Variants in UGT1A4 observed in about 807,000 individuals in gnomAD.
The protein encoded by UGT1A4 is UDP glucuronosyltransferase family 1 member A4.
UGT1A4 carries 32 observed loss-of-function variants against 41.1 expected under a neutral mutation model. That is an observed-to-expected ratio of 0.78 (90% CI 0.59 to 1.05). UGT1A4 has a LOEUF of 1.05. UGT1A4 is among the 50% of genes least tolerant of loss of function. The pLI, the probability that UGT1A4 is intolerant of heterozygous loss-of-function variation, is 0.00. For synonymous variants in UGT1A4, 283 were observed against 265.1 expected, an observed-to-expected ratio of 1.07 and a Z score of -0.66; for missense variants, 748 against 677.4, an observed-to-expected ratio of 1.10 and a Z score of -1.16.
At chr2:233,758,953 C>T (rs1697026708) in intron 1 of UGT1A4, among the ~76,000 whole-genome samples, 1 of 152,184 alleles carries the variant, frequency 6.6e-6, no homozygotes. Flanking sequence ...ATCAGAATTT[C>T]CCCAAATGCC....
intron 1 of UGT1A4, chr2:233,729,233 T>C (rs746735102): frequency 5.5e-5 from 88 of 1,614,154 alleles, no homozygotes; most frequent in South Asian, 6.6e-5. Context: ...GTGGTGCCCA[T>C]TGATGGCAGC....
In UGT1A4 at chr2:233,723,213, CTT is replaced by C. The variant is rs201420005; in HGVS notation, c.867+3541_867+3542del. On this transcript the variant is annotated intron_variant, in intron 1 of 4. Coordinates refer to ENST00000373409, the MANE Select transcript of UGT1A4 (RefSeq NM_007120.3). ...ATGTGGTAAAAAAAGTCAAAACTGA[CTT>C]TTTTTTTTTTTTTTGAGTTGGAGTC... Among the ~76,000 whole-genome samples, 40 of 88,776 alleles carry C rather than the reference CTT, an allele frequency of 4.5e-4. 2 individuals are homozygous for C. Among genetic ancestry groups the C allele is most frequent in the East Asian group, 2.4e-3 (8 of 3,302 alleles). 58.2% of individuals were successfully genotyped at this position (88,776 alleles called of 152,430 possible). A position where few individuals can be genotyped will look rare whatever the true frequency, so the allele number is the denominator to read the frequency against.
intron 1 of UGT1A4, among the ~76,000 whole-genome samples, chr2:233,764,385 C>T (rs1299567681): frequency 6.6e-6 from 1 of 152,140 alleles, no homozygotes; most frequent in South Asian, 2.1e-4. Flanking sequence ...AGGAGTTGGC[C>T]GTGATGACAA....
intron 1 of UGT1A4, among the ~76,000 whole-genome samples, chr2:233,759,704 G>A (rs891688930): frequency 3.4e-4 from 52 of 151,494 alleles, no homozygotes; most frequent in African/African-American, 1.2e-3. Flanking sequence ...CTCATGGCGC[G>A]TGCTCGTGTG....
Position 233,734,360 on chromosome 2 carries a change from C to A in UGT1A4, c.867+14673C>A, listed in dbSNP as rs565800937. 2.0e-5 allele frequency among the ~76,000 whole-genome samples: 3 copies of A among 152,192 alleles called. No homozygotes were observed. The East Asian group carries it at 5.8e-4, about 29-fold the overall frequency. On this transcript the variant is annotated intron_variant, in intron 1 of 4. Transcript: ENST00000373409. ...ATGGTAGTTTGTATTTCTGTGGGAT[C>A]GGTGGTGATATTGCCTTTACTATTT...
At position 233,769,501 on chromosome 2, in the gene UGT1A4, A is replaced by G. The variant is rs773053251; in HGVS notation, c.1307+1062A>G. 30 of 1,612,628 alleles carry G rather than the reference A, an allele frequency of 1.9e-5. No homozygotes were observed. In the Admixed American group the frequency reaches 4.8e-4, roughly 26 times the overall value. ...TGTGCGTGTGTTTATGAGAGTGTCCATTGCTTTCTCCCATGGTTACCTCCT... is the reference window on the plus strand; with the variant it reads ...TGTGCGTGTGTTTATGAGAGTGTCCGTTGCTTTCTCCCATGGTTACCTCCT... On this transcript the variant is annotated intron_variant, in intron 4 of 4. Transcript: ENST00000373409. This position sits in a 1 kb window ranked among gnomAD's most constrained non-coding sequence, Gnocchi z 4.4.
In UGT1A4 at chr2:233,769,763, G is replaced by A; in HGVS notation, c.1307+1324G>A. 4 of 1,411,540 alleles carry A rather than the reference G, an allele frequency of 2.8e-6. No homozygotes were observed. The South Asian group carries it at 4.7e-5, about 17-fold the overall frequency. The allele number at this position is 1,411,540 out of a possible 1,614,324, so 87.4% of individuals were successfully genotyped here. A position where few individuals can be genotyped will look rare whatever the true frequency, so the allele number is the denominator to read the frequency against. ...CCAGCCACTCTGGAGGCTAAGGCGG[G>A]AGGATTGCTTGAGCCCAGAAGTTGG... On this transcript the variant is annotated intron_variant, in intron 4 of 4. Transcript: ENST00000373409. The surrounding 1 kb of genome is among the most constrained non-coding windows in gnomAD (Gnocchi z 4.4).
intron 1 of UGT1A4, among the ~76,000 whole-genome samples, chr2:233,759,123 C>G (rs1197152658): frequency 6.6e-6 from 1 of 152,198 alleles, no homozygotes; most frequent in East Asian, 1.9e-4. Flanking sequence ...GAGTTACAGC[C>G]TCTGGTACGC....
chr2:233,765,183 T>A (rs1157736453), intron 1 of UGT1A4, among the ~76,000 whole-genome samples: 1 of 152,162 alleles, frequency 6.6e-6, no homozygotes. Flanking sequence ...CCCTGCCACA[T>A]CACACAATCA....
Position 233,737,047 on chromosome 2 carries a change from C to G in UGT1A4, c.867+17360C>G, listed in dbSNP as rs559935020. On this transcript the variant is annotated intron_variant, in intron 1 of 4. Coordinates refer to ENST00000373409, the MANE Select transcript of UGT1A4 (RefSeq NM_007120.3). ...CCATTCTCAGAGCTCAAATGCCATA[C>G]TAGGAGAACGAGTGCTCTCTTCAGA... Among the ~76,000 whole-genome samples the G allele has an allele frequency of 2.6e-4, 39 of 152,330 alleles. No homozygotes were observed. In the South Asian group the frequency reaches 7.7e-3, roughly 30 times the overall value.
At chr2:233,754,740 A>G (rs1278383852) in intron 1 of UGT1A4, 2 of 687,602 alleles carry the variant, frequency 2.9e-6, no homozygotes, top group Admixed American at 2.3e-5. Flanking sequence ...ACCGTAGGAC[A>G]TGCAGAAGGA....
rs1272833298 is a variant in UGT1A4, at chr2:233,768,361, C to T, written c.1229C>T (p.Ala410Val). ...DNAKRMETKG[A>V]GVTLNVLEMT... is the part of the protein sequence containing the mutation. ...GCAAAGCGCATGGAGACTAAGGGAG[C>T]TGGAGTGACCCTGAATGTTCTGGAA... Residue 410 changes from alanine to valine, a missense_variant, in exon 4 of 5, where the codon GCT becomes GTT. Physicochemically the swap from Ala to Val is moderately conservative, Grantham distance 64. Coordinates refer to ENST00000373409, the MANE Select transcript of UGT1A4 (RefSeq NM_007120.3). 1 of 1,614,004 alleles carries T rather than the reference C, an allele frequency of 6.2e-7. No individual in the cohort carries two copies. The highest frequency in any genetic ancestry group is 1.3e-5 in the African/African-American group (1 of 74,914).
chr2:233,750,062 A>G (rs140494674), intron 1 of UGT1A4, among the ~76,000 whole-genome samples: 5,134 of 151,936 alleles, frequency 0.034, 160 homozygotes, highest in African/African-American at 0.052. Flanking sequence ...TGACTTTGGA[A>G]CTGGGTAACA....
chr2:233,753,848 G>C (rs1695327702), intron 1 of UGT1A4, among the ~76,000 whole-genome samples: 1 of 152,148 alleles, frequency 6.6e-6, no homozygotes, highest in African/African-American at 2.4e-5. Context: ...GTATATCATT[G>C]ACCAACCACA....
At chr2:233,755,026 G>C (rs776900288) in intron 1 of UGT1A4, 1 of 1,306,868 alleles carries the variant, frequency 7.7e-7, no homozygotes, top group Admixed American at 1.9e-5. Context: ...TCCTTGAAGG[G>C]CCTGCCGCCT....
At position 233,772,036 on chromosome 2, in the gene UGT1A4, C is replaced by T. The variant is rs575173136; in HGVS notation, c.1308-226C>T. Among the ~76,000 whole-genome samples, 3 of 152,210 alleles carry T rather than the reference C, an allele frequency of 2.0e-5. No individual in the cohort carries two copies. The East Asian group carries it at 5.8e-4, about 29-fold the overall frequency. Reference sequence around the variant, plus strand: ...GCTGAGGCAGGAGGATGGCTTGAGCCCAGGAGTTGGAGGCTGCAGTTAGCC... The same window carrying T: ...GCTGAGGCAGGAGGATGGCTTGAGCTCAGGAGTTGGAGGCTGCAGTTAGCC... On this transcript the variant is annotated intron_variant, in intron 4 of 4. Transcript: ENST00000373409.
chr2:233,724,896 C>T lies in UGT1A4; in HGVS notation c.867+5209C>T, dbSNP rs1575557571. 1.5e-5 allele frequency among the ~76,000 whole-genome samples: 2 copies of T among 137,598 alleles called. 1 individual carries two copies. The highest frequency in any genetic ancestry group is 4.4e-4 in the East Asian group (2 of 4,596). The allele number at this position is 137,598 out of a possible 152,430, so 90.3% of individuals were successfully genotyped here. A position where few individuals can be genotyped will look rare whatever the true frequency, so the allele number is the denominator to read the frequency against. On this transcript the variant is annotated intron_variant, in intron 1 of 4. Coordinates refer to ENST00000373409, the MANE Select transcript of UGT1A4 (RefSeq NM_007120.3). ...GAGCGGAGATCACGCCACTGCACTC[C>T]AGCCTGGGCACCATTGAGCACTGAG...
intron 1 of UGT1A4, chr2:233,729,737 A>G (rs1236365518): frequency 6.2e-7 from 1 of 1,613,842 alleles, no homozygotes; most frequent in East Asian, 2.2e-5. Flanking sequence ...AATTCAGACC[A>G]CATGACATTC....
At chr2:233,722,496 C>T (rs1266204895) in intron 1 of UGT1A4, among the ~76,000 whole-genome samples, 2 of 152,048 alleles carry the variant, frequency 1.3e-5, no homozygotes, top group African/African-American at 4.8e-5. Context: ...TTTCATTTTC[C>T]GTTTCGTTAA....
Sources: gnomAD v4.1 joint callset for allele counts (sites outside exome capture counted in the v4.1 genomes callset) on GRCh38, gnomAD v4.1.1 for gene constraint, Gnocchi (gnomAD v3.1) non-coding constraint, MANE v1.5 for transcripts, NCBI Gene and HGNC (gene_info 2026-07-23, HGNC 2026-07-21) for gene names.